Variants in PLAAT1 observed in about 807,000 individuals in gnomAD.
The protein encoded by PLAAT1 is phospholipase A and acyltransferase 1.
In PLAAT1, 13 loss-of-function variants were observed where a neutral mutation model predicts 16.4. The observed-to-expected ratio is 0.79, with a 90% CI of 0.52 to 1.26. The LOEUF is 1.26. Ranked by LOEUF, PLAAT1 falls within the 50% of genes most tolerant of loss-of-function variation. The probability of loss-of-function intolerance (pLI) is 0.00; values close to 1 mark genes in which losing one functional copy is unlikely to be tolerated. For synonymous variants in PLAAT1, 73 were observed against 78.4 expected, an observed-to-expected ratio of 0.93 and a Z score of 0.36; for missense variants, 218 against 207.8, an observed-to-expected ratio of 1.05 and a Z score of -0.30.
intron 1 of PLAAT1, among the ~76,000 whole-genome samples, chr3:193,244,765 G>A (rs573372500): frequency 1.4e-4 from 22 of 152,244 alleles, no homozygotes; most frequent in African/African-American, 5.3e-4. Flanking sequence ...AGGGGGCTGA[G>A]TATGCTACCT....
chr3:193,270,941 G>A (rs1716966674), downstream of PLAAT1: 1 of 690,920 alleles, frequency 1.4e-6, no homozygotes, highest in African/African-American at 1.8e-5. Context: ...TTTTGAGTGA[G>A]CCAGCAGAAG....
At position 193,255,683 on chromosome 3, in the gene PLAAT1, C is replaced by T. The variant is rs1577304110; in HGVS notation, c.33C>T (p.Tyr11=). The change falls in exon 2 of 4, where the codon TAC becomes TAT. Residue 11 remains tyrosine (Y), a synonymous_variant. Transcript: ENST00000264735. The stretch of plus-strand genomic sequence containing the variant: ...TTAATGATTGCTTCAGTTTGAACTA[C>T]CCTGGCAACCCCTGCCCAGGGGACT... MAFNDCFSLN[Y]PGNPCPGDLI... 1 of 1,612,568 alleles carries T rather than the reference C, an allele frequency of 6.2e-7. No individual in the cohort carries two copies. The highest frequency in any genetic ancestry group is 1.1e-5 in the South Asian group (1 of 90,848).
chr3:193,244,596 CAG>C, intron 1 of PLAAT1, among the ~76,000 whole-genome samples: 1 of 151,862 alleles, frequency 6.6e-6, no homozygotes, highest in African/African-American at 2.4e-5. Context: ...AGATTTATAA[CAG>C]AATGCCAAAA....
intron 3 of PLAAT1, among the ~76,000 whole-genome samples, chr3:193,264,197 T>C (rs940327636): frequency 2.0e-5 from 3 of 152,344 alleles, no homozygotes; most frequent in Non-Finnish European, 2.9e-5. Context: ...TATACATTTC[T>C]ATCCTAAGTA....
intron 3 of PLAAT1, among the ~76,000 whole-genome samples, chr3:193,265,544 G>A (rs2108800313): frequency 6.6e-6 from 1 of 152,194 alleles, no homozygotes; most frequent in East Asian, 1.9e-4. Context: ...ATGATGAAGT[G>A]TTTCAAAATT....
At chr3:193,267,400 T>A (rs926508819) in intron 3 of PLAAT1, among the ~76,000 whole-genome samples, 1 of 152,146 alleles carries the variant, frequency 6.6e-6, no homozygotes, top group African/African-American at 2.4e-5. Flanking sequence ...ATTGATTTTT[T>A]TTTTTACCAT....
At chr3:193,273,423 G>A (rs1376012833), downstream of PLAAT1, among the ~76,000 whole-genome samples, 1 of 152,174 alleles carries the variant, frequency 6.6e-6, no homozygotes, top group African/African-American at 2.4e-5. Context: ...TGTTTTTATA[G>A]GAATTTGCAT....
chr3:193,271,015 G>T (rs185308686), downstream of PLAAT1, among the ~76,000 whole-genome samples: 237 of 152,240 alleles, frequency 1.6e-3, no homozygotes, highest in East Asian at 6.2e-3. Context: ...TTCCCCAAGG[G>T]TGGCCATTTT....
In PLAAT1 at chr3:193,270,581, G is replaced by T. The variant is rs375417994; in HGVS notation, c.406-23G>T. ...GTCTTTAGAATATGATGTGTTTTTT[G>T]TTTACTTCTTGTTTCCTTATAGGCC... On this transcript the variant is annotated intron_variant, in intron 3 of 3. Coordinates refer to ENST00000264735, the MANE Select transcript of PLAAT1 (RefSeq NM_020386.5). 11 of 1,600,332 alleles carry T rather than the reference G, an allele frequency of 6.9e-6. No homozygotes were observed. The Admixed American group carries it at 8.8e-5, about 13-fold the overall frequency.
chr3:193,275,406 G>T, downstream of PLAAT1: 1 of 1,332,176 alleles, frequency 7.5e-7, no homozygotes, highest in Non-Finnish European at 1.0e-6. Flanking sequence ...TTCCTCTGAG[G>T]TGTGCTCATT....
Position 193,263,118 on chromosome 3 carries a change from A to G in PLAAT1, c.288A>G (p.Glu96=), listed in dbSNP as rs773598983. ...YDETYPPLPV[E]EIIKRSEFVI... is the part of the protein sequence containing the mutation. ...AAACGTACCCCCCTCTCCCTGTGGA[A>G]GAAATCATAAAGCGGTCAGAGTTTG... Residue 96 remains glutamate, a synonymous_variant, in exon 3 of 4, where the codon GAA becomes GAG. Transcript: ENST00000264735. 2 of 1,614,234 alleles carry G rather than the reference A, an allele frequency of 1.2e-6. No homozygotes were observed. The highest frequency in any genetic ancestry group is 2.2e-5 in the South Asian group (2 of 91,082).
At chr3:193,271,745 G>T (rs1170017650), downstream of PLAAT1, among the ~76,000 whole-genome samples, 2 of 152,140 alleles carry the variant, frequency 1.3e-5, no homozygotes, top group Non-Finnish European at 2.9e-5. Flanking sequence ...ATATTAGGGG[G>T]TTGATACAGT....
chr3:193,257,551 AAAG>A (rs1221674840), intron 2 of PLAAT1, among the ~76,000 whole-genome samples: 3 of 152,212 alleles, frequency 2.0e-5, no homozygotes, highest in African/African-American at 7.2e-5. Flanking sequence ...AAATGAATAC[AAAG>A]AAGATTTCTC....
downstream of PLAAT1, among the ~76,000 whole-genome samples, chr3:193,279,137 T>C (rs1717362273): frequency 1.3e-5 from 2 of 152,170 alleles, no homozygotes; most frequent in African/African-American, 2.4e-5. Flanking sequence ...CCAAACAATA[T>C]TTCAGGTAGG....
At chr3:193,280,244 G>A (rs1332950349), downstream of PLAAT1, among the ~76,000 whole-genome samples, 2 of 151,912 alleles carry the variant, frequency 1.3e-5, no homozygotes, top group Non-Finnish European at 2.9e-5. Context: ...CCATAGAGAT[G>A]GGGTTTCACC....
intron 1 of PLAAT1, among the ~76,000 whole-genome samples, chr3:193,250,653 C>T (rs1198170634): frequency 1.3e-5 from 2 of 152,080 alleles, no homozygotes; most frequent in African/African-American, 4.8e-5. Flanking sequence ...CTTGCTGGCA[C>T]AAGCCAGAGG....
At chr3:193,261,044 T>C (rs1318487792) in intron 2 of PLAAT1, among the ~76,000 whole-genome samples, 1 of 152,198 alleles carries the variant, frequency 6.6e-6, no homozygotes, top group Non-Finnish European at 1.5e-5. Flanking sequence ...TATAAATGTT[T>C]AAAAATGAGC....
chr3:193,280,704 G>A (rs2108816518), downstream of PLAAT1, among the ~76,000 whole-genome samples: 1 of 152,318 alleles, frequency 6.6e-6, no homozygotes, highest in Non-Finnish European at 1.5e-5. Flanking sequence ...GCACTTTAGA[G>A]ACGGTACCTT....
At chr3:193,270,315 A>T (rs1716942602) in intron 3 of PLAAT1, among the ~76,000 whole-genome samples, 1 of 152,238 alleles carries the variant, frequency 6.6e-6, no homozygotes, top group South Asian at 2.1e-4. Flanking sequence ...GTGTACTATT[A>T]TGATGAATGG....
Sources: allele counts gnomAD v4.1 joint callset (sites outside exome capture counted in the v4.1 genomes callset), GRCh38; gene constraint gnomAD v4.1.1; transcripts MANE v1.5; gene names NCBI Gene and HGNC (gene_info 2026-07-23, HGNC 2026-07-21).